MED13L: variants seen among roughly 807,000 people sequenced by gnomAD.
The protein encoded by MED13L is mediator complex subunit 13L, also known as mediator of RNA polymerase II transcription subunit 13-like.
Under a neutral mutation model 220.9 loss-of-function variants are expected in MED13L, and 7 were observed. The ratio of observed to expected loss-of-function variants is 0.03; its 90% CI spans 0.02 to 0.06. MED13L has a LOEUF of 0.06. MED13L is among the 10% of genes least tolerant of loss of function. MED13L has a pLI of 1.00. For synonymous variants in MED13L, 1,011 were observed against 1,015.2 expected (o/e 1.00, Z 0.08); for missense variants, 1,965 against 2,760.5 (o/e 0.71, Z 6.46).
Position 116,005,868 on chromosome 12 carries a change from C to T in MED13L, c.2469+1G>A. ...TGTTTATGTAGCTACGGCAAACTCA[C>T]CCCAAGTTCGTCGTCATCAGAATTA... On this transcript the variant is annotated splice_donor_variant, in intron 13 of 30. Transcript: ENST00000281928. LOFTEE classifies it high-confidence loss of function. 6.2e-7 allele frequency: 1 copy of T among 1,613,802 alleles called. No homozygotes were observed. Among genetic ancestry groups the T allele is most frequent in the Non-Finnish European group, 8.5e-7 (1 of 1,179,756 alleles).
At chr12:116,199,942 T>A (rs1264456648) in intron 2 of MED13L, among the ~76,000 whole-genome samples, 1 of 152,140 alleles carries the variant, frequency 6.6e-6, no homozygotes, top group Non-Finnish European at 1.5e-5. Flanking sequence ...CATACTGTTT[T>A]CCACGAAATA....
intron 2 of MED13L, among the ~76,000 whole-genome samples, chr12:116,170,683 C>A (rs1005911982): frequency 6.6e-6 from 1 of 150,972 alleles, no homozygotes; most frequent in African/African-American, 2.4e-5. Flanking sequence ...TCACTGCAAC[C>A]TCCACGTCCC....
At chr12:116,199,419 C>CT (rs1417648501) in intron 2 of MED13L, among the ~76,000 whole-genome samples, 3 of 152,148 alleles carry the variant, frequency 2.0e-5, no homozygotes, top group Non-Finnish European at 4.4e-5. Context: ...AAATAGCTTC[C>CT]TATTGCAATA....
At chr12:116,080,617 G>C (rs1282747795) in intron 4 of MED13L, among the ~76,000 whole-genome samples, 1 of 152,178 alleles carries the variant, frequency 6.6e-6, no homozygotes, top group South Asian at 2.1e-4. Context: ...GTATTAGACT[G>C]TACTACCTTA....
At chr12:116,272,740 C>T (rs1269110704) in intron 1 of MED13L, among the ~76,000 whole-genome samples, 1 of 152,148 alleles carries the variant, frequency 6.6e-6, no homozygotes, top group Non-Finnish European at 1.5e-5. Context: ...GCATACAGGC[C>T]TAAGGTACAT....
At chr12:116,149,920 A>G (rs1198914585) in intron 2 of MED13L, among the ~76,000 whole-genome samples, 1 of 152,262 alleles carries the variant, frequency 6.6e-6, no homozygotes, top group African/African-American at 2.4e-5. Flanking sequence ...GAAATGGAAG[A>G]CAGAAAAAGA....
intron 3 of MED13L, among the ~76,000 whole-genome samples, chr12:116,108,390 A>AGGGGGGGGGG (rs35576412): frequency 2.4e-5 from 1 of 41,248 alleles, no homozygotes; most frequent in Non-Finnish European, 4.4e-5. Context: ...TTTAAAAGAA[A>AGGGGGGGGGG]GGGGGGGGGG....
chr12:115,986,589 A>C, intron 18 of MED13L, 100 bp from the exon 19 acceptor site: 1 of 1,081,332 alleles, frequency 9.2e-7, no homozygotes, highest in Non-Finnish European at 1.4e-6. Flanking sequence ...TGGCATCTGA[A>C]ATGTCACTCC....
rs758011951 is a variant in MED13L at position 116,008,450 on chromosome 12, TCTCACC to T, written c.1957_1962del (p.Gly653_Glu654del). 6.2e-7 allele frequency: 1 copy of T among 1,613,068 alleles called. No individual in the cohort carries two copies. The highest frequency in any genetic ancestry group is 8.5e-7 in the Non-Finnish European group (1 of 1,179,940). On this transcript the variant is annotated inframe_deletion, in exon 10 of 31. Transcript: ENST00000281928. ...TTTACCTCCATTTTGGCATCACATC[TCTCACC>T]CTGGAGCTCTGGAGGCCTGAACTCA...
At chr12:115,995,550 A>G (rs368045380) in intron 16 of MED13L, among the ~76,000 whole-genome samples, 6 of 152,186 alleles carry the variant, frequency 3.9e-5, no homozygotes, top group African/African-American at 1.4e-4. Flanking sequence ...CAGCCTCCCA[A>G]GCAGCTGGGT....
intron 2 of MED13L, among the ~76,000 whole-genome samples, chr12:116,160,454 T>A (rs1190129452): frequency 6.6e-6 from 1 of 152,054 alleles, no homozygotes; most frequent in Non-Finnish European, 1.5e-5. Flanking sequence ...CAGCATGATG[T>A]AGCAGGAAAC....
intron 5 of MED13L, among the ~76,000 whole-genome samples, chr12:116,020,343 C>T (rs1879987089): frequency 6.6e-6 from 1 of 152,154 alleles, no homozygotes; most frequent in African/African-American, 2.4e-5. Flanking sequence ...GACAGCTATG[C>T]TTTGAAGCAT....
chr12:116,198,571 T>TG (rs1279267343), intron 2 of MED13L, among the ~76,000 whole-genome samples: 2 of 152,180 alleles, frequency 1.3e-5, no homozygotes, highest in Non-Finnish European at 2.9e-5. Context: ...ACTCCACTCA[T>TG]GGGGTCAAAG....
intron 16 of MED13L, among the ~76,000 whole-genome samples, chr12:115,994,815 C>G (rs1389946888): frequency 6.6e-6 from 1 of 152,152 alleles, no homozygotes; most frequent in Admixed American, 6.5e-5. Context: ...CAGCAGCACA[C>G]CAGCCAGGCG....
chr12:116,134,977 G>T (rs1471860829), intron 2 of MED13L, among the ~76,000 whole-genome samples: 1 of 152,116 alleles, frequency 6.6e-6, no homozygotes, highest in Non-Finnish European at 1.5e-5. Context: ...AGACCATCCT[G>T]GCTAACACTG....
chr12:115,986,501 T>A lies in MED13L; in HGVS notation c.4115-12A>T, dbSNP rs781328210. 1.9e-6 allele frequency: 3 copies of A among 1,611,872 alleles called. No individual in the cohort carries two copies. The South Asian group carries it at 3.3e-5, about 18-fold the overall frequency. On this transcript the variant is annotated splice_polypyrimidine_tract_variant and intron_variant, in intron 18 of 30. Transcript: ENST00000281928. ...AGATTCTTCCGAACCTAAAATGACA[T>A]TGTAGTGTAGAAAGGTGCTAGAGAG...
chr12:116,212,424 C>T (rs778812660), intron 2 of MED13L, among the ~76,000 whole-genome samples: 3 of 152,150 alleles, frequency 2.0e-5, no homozygotes, highest in Non-Finnish European at 4.4e-5. Flanking sequence ...CACATGAAAT[C>T]AATAAATCTT....
At chr12:116,019,527 G>T in intron 6 of MED13L, 115 bp from the exon 7 acceptor site, 1 of 1,231,140 alleles carries the variant, frequency 8.1e-7, no homozygotes, top group Non-Finnish European at 1.2e-6. Flanking sequence ...TGCCAAAAGT[G>T]ATAGGCTCCA....
At chr12:115,967,468 A>G (rs935509792) in intron 28 of MED13L, among the ~76,000 whole-genome samples, 4 of 152,218 alleles carry the variant, frequency 2.6e-5, no homozygotes, top group Non-Finnish European at 1.5e-5. Context: ...GCATTGAATT[A>G]AAGACTTTAG....
Sources: allele counts gnomAD v4.1 joint callset (sites outside exome capture counted in the v4.1 genomes callset), GRCh38; gene constraint gnomAD v4.1.1; transcripts MANE v1.5; gene names NCBI Gene and HGNC (gene_info 2026-07-23, HGNC 2026-07-21).